PFDN5: variants seen among roughly 807,000 people sequenced by gnomAD.
PFDN5 encodes prefoldin subunit 5.
Under a neutral mutation model 21.5 loss-of-function variants are expected in PFDN5, and 13 were observed. The ratio of observed to expected loss-of-function variants is 0.60; its 90% CI spans 0.39 to 0.96. PFDN5 has a LOEUF of 0.96. PFDN5 is among the 40% of genes least tolerant of loss of function. The probability of loss-of-function intolerance (pLI) is 0.00; values close to 1 mark genes in which losing one functional copy is unlikely to be tolerated. For missense variants in PFDN5, 188 were observed against 186.2 expected (o/e 1.01, Z -0.06); for synonymous variants, 84 against 68.9 (o/e 1.22, Z -1.08).
Position 53,295,852 on chromosome 12 carries a change from T to C in PFDN5, c.86T>C (p.Leu29Ser). The C allele has an allele frequency of 3.1e-6, 5 of 1,597,908 alleles. No individual in the cohort carries two copies. Among genetic ancestry groups the C allele is most frequent in the Non-Finnish European group, 4.3e-6 (5 of 1,165,238 alleles). ...GGTCCTCTGTAGGAAGTGGAGTTCT[T>C]GTCCACGTCCATTGCTCAGCTCAAA... The part of the protein sequence containing the change: ...KNQLDQEVEF[L>S]STSIAQLKVV... The change falls in exon 2 of 6, where the codon TTG (leucine) becomes TCG (serine). Residue 29 changes from leucine (L) to serine (S), a missense_variant. Physicochemically the swap from Leu to Ser is moderately radical, Grantham distance 145 (BLOSUM62 -2). Coordinates refer to ENST00000334478, the MANE Select transcript of PFDN5 (RefSeq NM_002624.4).
chr12:53,298,313 C>A (rs1044881934), intron 5 of PFDN5, 163 bp downstream of exon 5: 3 of 569,636 alleles, frequency 5.3e-6, no homozygotes, highest in Non-Finnish European at 6.4e-6. Context: ...TCTGTAGATT[C>A]CTGGGTTGAG....
chr12:53,297,740 G>A (rs1459458708), intron 3 of PFDN5, 110 bp from the exon 4 acceptor site: 6 of 771,420 alleles, frequency 7.8e-6, no homozygotes, highest in Admixed American at 1.9e-5. Flanking sequence ...CAGTCCTTAT[G>A]CCTTGTAGCT....
intron 3 of PFDN5, chr12:53,296,534 G>T: frequency 1.7e-6 from 1 of 588,456 alleles, no homozygotes; most frequent in Non-Finnish European, 3.0e-6. Context: ...TCAGTCTCCC[G>T]AGTAGCTGGG....
intron 5 of PFDN5, 100 bp from the exon 6 acceptor site, chr12:53,299,169 T>G: frequency 4.4e-6 from 3 of 680,178 alleles, no homozygotes; most frequent in East Asian, 2.8e-5. Context: ...TAACAAACTG[T>G]AGTTAGTCGG....
rs557535590 is a variant in PFDN5 at position 53,297,739 on chromosome 12, TGCCTTGTA to T, written c.208-108_208-101del. 111 of 768,450 alleles carry T rather than the reference TGCCTTGTA, an allele frequency of 1.4e-4. 1 individual carries two copies. In the East Asian group the frequency reaches 2.6e-3, roughly 18 times the overall value. The allele number at this position is 768,450 out of a possible 1,614,324, so 47.6% of individuals were successfully genotyped here. A position where few individuals can be genotyped will look rare whatever the true frequency, so the allele number is the denominator to read the frequency against. On this transcript the variant is annotated intron_variant, in intron 3 of 5. Coordinates refer to ENST00000334478, the MANE Select transcript of PFDN5 (RefSeq NM_002624.4). ...AGGCCTCCAGATTATTCAGTCCTTA[TGCCTTGTA>T]GCTTTTTGGAAAAAGAGGGTCTTTG... is the stretch of plus-strand genomic sequence containing the variant.
intron 5 of PFDN5, chr12:53,298,927 G>A (rs1465935193): frequency 9.0e-6 from 2 of 221,094 alleles, no homozygotes; most frequent in Non-Finnish European, 1.9e-5. Flanking sequence ...CCTGAGGTTA[G>A]GAGTTCAAGA....
In PFDN5 at chr12:53,299,419, T is replaced by G; in HGVS notation, c.*74T>G. 1 of 953,792 alleles carries G rather than the reference T, an allele frequency of 1.0e-6. No individual in the cohort carries two copies. The highest frequency in any genetic ancestry group is 1.7e-6 in the Non-Finnish European group (1 of 604,132). The allele number at this position is 953,792 out of a possible 1,614,324, so 59.1% of individuals were successfully genotyped here. A position where few individuals can be genotyped will look rare whatever the true frequency, so the allele number is the denominator to read the frequency against. The stretch of plus-strand genomic sequence containing the variant: ...CTGGTGATGGGAAGGGTCTTGTGTT[T>G]TAATGCCAATAAATGTGCCAGCTGG... On this transcript the variant is annotated 3_prime_UTR_variant, in exon 6 of 6. Transcript: ENST00000334478.
rs148445065 is a variant in PFDN5 at position 53,295,888 on chromosome 12, C to G, written c.122C>G (p.Thr41Ser). ...ATTGCTCAGCTCAAAGTGGTACAGA[C>G]CAAGTATGTGGAAGCCAAGGACTGT... ...TSIAQLKVVQ[T>S]KYVEAKDCLN... The change falls in exon 2 of 6, where the codon ACC (threonine) becomes AGC (serine). Residue 41 changes from threonine (T) to serine (S), a missense_variant. Thr to Ser is a moderately conservative substitution (Grantham distance 58). Transcript: ENST00000334478. The G allele has an allele frequency of 6.2e-7, 1 of 1,612,338 alleles. No homozygotes were observed. The highest frequency in any genetic ancestry group is 8.5e-7 in the Non-Finnish European group (1 of 1,178,408).
intron 3 of PFDN5, chr12:53,296,543 G>T (rs1944153749): frequency 3.5e-6 from 2 of 574,098 alleles, no homozygotes; most frequent in Non-Finnish European, 6.2e-6. Context: ...CGAGTAGCTG[G>T]GACTTTAGGT....
At chr12:53,297,735 CT>C (rs1944169901) in intron 3 of PFDN5, 114 bp from the exon 4 acceptor site, 2 of 755,884 alleles carry the variant, frequency 2.6e-6, no homozygotes, top group Middle Eastern at 3.6e-4. Context: ...TTATTCAGTC[CT>C]TATGCCTTGT....
At position 53,295,858 on chromosome 12, in the gene PFDN5, C is replaced by T. The variant is rs767729542; in HGVS notation, c.92C>T (p.Thr31Met). The change falls in exon 2 of 6, where the codon ACG becomes ATG. Residue 31 changes from threonine (T) to methionine (M), a missense_variant. Transcript: ENST00000334478. ...CTGTAGGAAGTGGAGTTCTTGTCCA[C>T]GTCCATTGCTCAGCTCAAAGTGGTA... ...QLDQEVEFLS[T>M]SIAQLKVVQT... 3 of 1,603,782 alleles carry T rather than the reference C, an allele frequency of 1.9e-6. No individual in the cohort carries two copies. The African/African-American group carries it at 4.0e-5, about 21-fold the overall frequency.
At chr12:53,295,680 TC>T in intron 1 of PFDN5, 41 bp downstream of exon 1, 1 of 1,543,706 alleles carries the variant, frequency 6.5e-7, no homozygotes, top group Non-Finnish European at 9.0e-7. Flanking sequence ...CTGCTCTACA[TC>T]CCCCTTGCCC....
At position 53,295,881 on chromosome 12, in the gene PFDN5, G is replaced by T. The variant is rs991384650; in HGVS notation, c.115G>T (p.Val39Leu). 6 of 1,611,880 alleles carry T rather than the reference G, an allele frequency of 3.7e-6. No individual in the cohort carries two copies. The highest frequency in any genetic ancestry group is 3.3e-5 in the Admixed American group (2 of 59,988). Residue 39 changes from valine (V) to leucine (L), a missense_variant, in exon 2 of 6, where the codon GTA becomes TTA. By Grantham distance (32) the Val-to-Leu change is conservative. Transcript: ENST00000334478. Reference protein sequence around the residue: ...LSTSIAQLKVVQTKYVEAKDC... With the variant: ...LSTSIAQLKVLQTKYVEAKDC... ...CACGTCCATTGCTCAGCTCAAAGTG[G>T]TACAGACCAAGTATGTGGAAGCCAA...
chr12:53,298,691 G>A (rs137939092), intron 5 of PFDN5: 1,913 of 156,020 alleles, frequency 0.012, 28 homozygotes, highest in South Asian at 0.049. Context: ...ATACCATATT[G>A]TGTTCGTTTT....
chr12:53,296,376 C>A, intron 3 of PFDN5, 101 bp downstream of exon 3: 2 of 858,330 alleles, frequency 2.3e-6, no homozygotes, highest in Non-Finnish European at 3.9e-6. Context: ...TCAGATTACC[C>A]TCTCCTCACA....
Position 53,298,129 on chromosome 12 carries a change from G to C in PFDN5, c.367G>C (p.Glu123Gln), listed in dbSNP as rs1245093854. The change falls in exon 5 of 6, where the codon GAG (glutamate) becomes CAG (glutamine). Residue 123 changes from glutamate (E) to glutamine (Q), a missense_variant. Transcript: ENST00000334478. The stretch of plus-strand genomic sequence containing the variant: ...GGAGAAAATCCAACCAGCTCTTCAG[G>C]AGAAGCACGCCATGAAACAGGGTAA... ...QMEKIQPALQ[E>Q]KHAMKQAVME... 3.7e-6 allele frequency: 6 copies of C among 1,611,694 alleles called. No individual in the cohort carries two copies. The highest frequency in any genetic ancestry group is 5.1e-6 in the Non-Finnish European group (6 of 1,177,872).
chr12:53,297,555 G>A (rs933846143), intron 3 of PFDN5: 2 of 368,600 alleles, frequency 5.4e-6, no homozygotes, highest in Middle Eastern at 8.2e-4. Context: ...AACATGTCTA[G>A]TCTTTCTGGA....
Position 53,297,322 on chromosome 12 carries a change from C to T in PFDN5, c.208-528C>T, listed in dbSNP as rs190807255. On this transcript the variant is annotated intron_variant, in intron 3 of 5. Transcript: ENST00000334478. ...CACATGCTTGTAATCCCAGCTACTC[C>T]GGCGACTGAGACAGGAGAATTGCTT... is the stretch of plus-strand genomic sequence containing the variant. 493 of 155,240 alleles carry T rather than the reference C, an allele frequency of 3.2e-3. 1 individual carries two copies. The highest frequency in any genetic ancestry group is 7.0e-3 in the Admixed American group (110 of 15,722). The allele number at this position is 155,240 out of a possible 1,614,324, so 9.6% of individuals were successfully genotyped here.
At chr12:53,296,768 C>A (rs892466824) in intron 3 of PFDN5, 2 of 252,426 alleles carry the variant, frequency 7.9e-6, no homozygotes, top group Admixed American at 5.4e-5. Flanking sequence ...ACACCAACAT[C>A]CAGCTAATGT....
Sources: allele counts gnomAD v4.1 joint callset, GRCh38; gene constraint gnomAD v4.1.1; transcripts MANE v1.5; gene names NCBI Gene and HGNC (gene_info 2026-07-23, HGNC 2026-07-21).